Variants in KCNH1 observed in about 807,000 individuals in gnomAD.
KCNH1 encodes the protein voltage-gated delayed rectifier potassium channel KCNH1.
A neutral mutation model predicts 69.2 loss-of-function variants in KCNH1; 27 were observed. That is an observed-to-expected ratio of 0.39 (90% CI 0.29 to 0.54). KCNH1 has a LOEUF of 0.54. Among genes scored for constraint, KCNH1 ranks in the 20% least tolerant of loss-of-function variants. The pLI is 0.68. For missense variants in KCNH1, 798 were observed against 1,261.6 expected, an observed-to-expected ratio of 0.63 and a Z score of 5.57; for synonymous variants, 456 against 487.7, an observed-to-expected ratio of 0.93 and a Z score of 0.86.
Position 211,070,418 on chromosome 1 carries a change from T to TAAAA in KCNH1, c.558+12358_558+12361dup, listed in dbSNP as rs759773298. 6.9e-3 allele frequency among the ~76,000 whole-genome samples: 773 copies of TAAAA among 112,568 alleles called. 13 individuals are homozygous for TAAAA. The highest frequency in any genetic ancestry group is 0.02 in the African/African-American group (731 of 35,958). The allele number at this position is 112,568 out of a possible 152,430, so 73.8% of individuals were successfully genotyped here. ...GGGCGACAGAGCGAGACTCCACCTT[T>TAAAA]AAAAAAAAAAAAACACACACACACA... On this transcript the variant is annotated intron_variant, in intron 5 of 10. Coordinates refer to ENST00000271751, the MANE Select transcript of KCNH1 (RefSeq NM_172362.3).
At chr1:211,034,179 A>C (rs537760563) in intron 5 of KCNH1, among the ~76,000 whole-genome samples, 2 of 152,212 alleles carry the variant, frequency 1.3e-5, no homozygotes, top group Non-Finnish European at 2.9e-5. Flanking sequence ...AACCGGAAAC[A>C]ATCCAAATAT....
intron 6 of KCNH1, among the ~76,000 whole-genome samples, chr1:211,010,210 C>A (rs1325291272): frequency 6.6e-6 from 1 of 152,004 alleles, no homozygotes; most frequent in Non-Finnish European, 1.5e-5. Flanking sequence ...GACTGAGGGG[C>A]AGAGGAACAG....
chr1:210,878,429 A>G (rs1283115536), intron 7 of KCNH1, among the ~76,000 whole-genome samples: 1 of 152,292 alleles, frequency 6.6e-6, no homozygotes, highest in African/African-American at 2.4e-5. Context: ...TTAAAAGAAT[A>G]CAAATGATGT....
intron 10 of KCNH1, among the ~76,000 whole-genome samples, chr1:210,733,933 A>G (rs1682805158): frequency 7.5e-6 from 1 of 134,094 alleles, no homozygotes; most frequent in African/African-American, 2.9e-5. Context: ...ATCTTCAATT[A>G]GTATGTCTGT....
chr1:210,806,239 T>C (rs1684548116), intron 7 of KCNH1, among the ~76,000 whole-genome samples: 1 of 152,224 alleles, frequency 6.6e-6, no homozygotes, highest in South Asian at 2.1e-4. Context: ...TATTGTGTCT[T>C]TTTCAATTAT....
chr1:210,902,407 G>A (rs1026162976), intron 7 of KCNH1, among the ~76,000 whole-genome samples: 1 of 152,228 alleles, frequency 6.6e-6, no homozygotes, highest in Non-Finnish European at 1.5e-5. Flanking sequence ...AGCAGATGTG[G>A]CCAAAAACAC....
At chr1:210,982,671 G>T (rs1688737146) in intron 6 of KCNH1, among the ~76,000 whole-genome samples, 1 of 152,072 alleles carries the variant, frequency 6.6e-6, no homozygotes, top group African/African-American at 2.4e-5. Flanking sequence ...GTCTATCGTT[G>T]TTGGACATTT....
At chr1:211,033,946 G>A (rs535876034) in intron 5 of KCNH1, among the ~76,000 whole-genome samples, 169 of 152,158 alleles carry the variant, frequency 1.1e-3, no homozygotes, top group African/African-American at 3.9e-3. Flanking sequence ...CCAACTGCTG[G>A]TGAGAATGCA....
At chr1:211,108,179 G>A (rs552526842) in intron 1 of KCNH1, among the ~76,000 whole-genome samples, 4 of 152,264 alleles carry the variant, frequency 2.6e-5, no homozygotes, top group East Asian at 1.9e-4. Flanking sequence ...AAAATCAGTC[G>A]TCAATACTTT....
chr1:211,088,108 T>C (rs1690989487), intron 4 of KCNH1, among the ~76,000 whole-genome samples: 1 of 152,124 alleles, frequency 6.6e-6, no homozygotes, highest in Admixed American at 6.6e-5. Context: ...TTAAGGACAA[T>C]TTGAACACAA....
chr1:210,809,450 T>A (rs1684653290), intron 7 of KCNH1, among the ~76,000 whole-genome samples: 1 of 152,072 alleles, frequency 6.6e-6, no homozygotes, highest in African/African-American at 2.4e-5. Context: ...GACAAAGATG[T>A]ATGGTGAATG....
chr1:210,719,948 G>T (rs116812905), intron 10 of KCNH1, among the ~76,000 whole-genome samples: 1 of 152,008 alleles, frequency 6.6e-6, no homozygotes, highest in Non-Finnish European at 1.5e-5. Flanking sequence ...CTTTTCTAGC[G>T]CTATGTGTGT....
chr1:210,895,824 C>T lies in KCNH1; in HGVS notation c.1462+23816G>A, dbSNP rs145542039. 6.6e-5 allele frequency among the ~76,000 whole-genome samples: 10 copies of T among 152,218 alleles called. No individual in the cohort carries two copies. In the South Asian group the frequency reaches 8.3e-4, roughly 13 times the overall value. ...CTAGATTGGCAGGACTGTCTCTCTGCTTTTGCTTTTCCAACAACGCCATAT... is the reference window on the plus strand; with the variant it reads ...CTAGATTGGCAGGACTGTCTCTCTGTTTTTGCTTTTCCAACAACGCCATAT... On this transcript the variant is annotated intron_variant, in intron 7 of 10. Transcript: ENST00000271751.
chr1:210,975,978 CA>C (rs1364224897), intron 6 of KCNH1, among the ~76,000 whole-genome samples: 3 of 152,218 alleles, frequency 2.0e-5, no homozygotes, highest in Non-Finnish European at 4.4e-5. Context: ...GACATTTATG[CA>C]GCCAATACAC....
chr1:210,839,906 G>C (rs1054130850), intron 7 of KCNH1, among the ~76,000 whole-genome samples: 11 of 152,070 alleles, frequency 7.2e-5, no homozygotes, highest in African/African-American at 2.4e-4. Flanking sequence ...ATCACCTGAC[G>C]GTCTGTCTAA....
chr1:211,071,447 A>G (rs968154250), intron 5 of KCNH1, among the ~76,000 whole-genome samples: 1 of 152,200 alleles, frequency 6.6e-6, no homozygotes, highest in Admixed American at 6.5e-5. Flanking sequence ...GCGTCACAAC[A>G]TTTAAGTGGA....
chr1:211,089,287 G>A (rs1691010800), intron 4 of KCNH1, among the ~76,000 whole-genome samples: 1 of 152,190 alleles, frequency 6.6e-6, no homozygotes, highest in African/African-American at 2.4e-5. Flanking sequence ...CTACTGCACT[G>A]AGAAATCTTC....
chr1:210,845,643 G>A (rs1230859376), intron 7 of KCNH1, among the ~76,000 whole-genome samples: 36 of 152,122 alleles, frequency 2.4e-4, no homozygotes, highest in Admixed American at 2.4e-3. Flanking sequence ...GCAAAAACTG[G>A]AAGCATTCCC....
intron 1 of KCNH1, among the ~76,000 whole-genome samples, chr1:211,116,984 T>G (rs1448747771): frequency 1.3e-5 from 2 of 152,182 alleles, no homozygotes; most frequent in East Asian, 3.8e-4. Flanking sequence ...GAGAGTAAAA[T>G]GGGCTCCAGC....
Sources: gnomAD v4.1 joint callset for allele counts (sites outside exome capture counted in the v4.1 genomes callset) on GRCh38, gnomAD v4.1.1 for gene constraint, MANE v1.5 for transcripts, NCBI Gene and HGNC (gene_info 2026-07-23, HGNC 2026-07-21) for gene names.